Variants in TENM3 observed in about 807,000 individuals in gnomAD.
TENM3 encodes the protein teneurin transmembrane protein 3, also known as teneurin-3.
In TENM3, 63 loss-of-function variants were observed where a neutral mutation model predicts 255.1. That is an observed-to-expected ratio of 0.25 (90% confidence interval 0.20 to 0.30). The LOEUF is 0.30. Ranked by LOEUF, TENM3 falls within the 10% of genes least tolerant of loss-of-function variation. TENM3 has a pLI of 1.00. For synonymous variants in TENM3, 1,306 were observed against 1,322.3 expected (o/e 0.99, Z 0.27); for missense variants, 2,929 against 3,461.1 (o/e 0.85, Z 3.86).
At chr4:182,392,553 A>G (rs1768506249) in intron 3 of TENM3, among the ~76,000 whole-genome samples, 1 of 152,222 alleles carries the variant, frequency 6.6e-6, no homozygotes, top group Non-Finnish European at 1.5e-5. Context: ...TGGGAATTAG[A>G]AATGCAGACT....
the TENM3 span, among the ~76,000 whole-genome samples, chr4:181,641,647 A>AAT: frequency 0.67 from 55,763 of 83,402 alleles, 20,035 homozygotes; most frequent in Non-Finnish European, 0.72. Context: ...TATAATGGAA[A>AAT]ATATATATAT....
At chr4:181,690,228 G>A in the TENM3 span, among the ~76,000 whole-genome samples, 1 of 102,190 alleles carries the variant, frequency 9.8e-6, no homozygotes, top group Non-Finnish European at 2.1e-5. Context: ...GAGGGCACAT[G>A]CGCGTGAGCG....
the TENM3 span, among the ~76,000 whole-genome samples, chr4:181,611,569 A>G: frequency 6.6e-6 from 1 of 151,984 alleles, no homozygotes; most frequent in Non-Finnish European, 1.5e-5. Flanking sequence ...GTATTACACG[A>G]TACGGAGTCT....
the TENM3 span, among the ~76,000 whole-genome samples, chr4:181,987,860 T>C: frequency 3.9e-5 from 6 of 151,944 alleles, no homozygotes; most frequent in Non-Finnish European, 8.8e-5. Context: ...GACATTGAGC[T>C]CACGGGGTAA....
chr4:181,810,801 C>T, the TENM3 span, among the ~76,000 whole-genome samples: 22 of 152,148 alleles, frequency 1.4e-4, no homozygotes, highest in East Asian at 2.0e-4. Flanking sequence ...ACTAAATGAA[C>T]GGTATATGCA....
intron 4 of TENM3, among the ~76,000 whole-genome samples, chr4:182,622,796 T>C (rs554391805): frequency 8.5e-5 from 13 of 152,268 alleles, no homozygotes; most frequent in African/African-American, 3.1e-4. Context: ...CACATATTTA[T>C]TGAACACCTA....
the TENM3 span, among the ~76,000 whole-genome samples, chr4:182,058,244 G>A: frequency 1.3e-5 from 2 of 151,876 alleles, no homozygotes; most frequent in African/African-American, 4.8e-5. Flanking sequence ...CACATAGGGT[G>A]AGTTCTGGGG....
At chr4:182,259,062 CCACA>C (rs980043024) in intron 1 of TENM3, among the ~76,000 whole-genome samples, 3 of 152,154 alleles carry the variant, frequency 2.0e-5, no homozygotes, top group African/African-American at 7.2e-5. Context: ...GTTATGTTTT[CCACA>C]TTTCAGTGGC....
At chr4:182,382,874 C>T (rs1271630529) in intron 3 of TENM3, among the ~76,000 whole-genome samples, 8 of 152,142 alleles carry the variant, frequency 5.3e-5, no homozygotes, top group Non-Finnish European at 8.8e-5. Context: ...GGTGGTTCCT[C>T]GACCCATGAT....
chr4:182,602,011 A>T (rs529081481), intron 4 of TENM3, among the ~76,000 whole-genome samples: 1 of 152,256 alleles, frequency 6.6e-6, no homozygotes, highest in South Asian at 2.1e-4. Flanking sequence ...AACTGCTCAT[A>T]CAAAAGTATG....
At chr4:182,674,642 C>T (rs1755510271) in intron 7 of TENM3, among the ~76,000 whole-genome samples, 1 of 152,160 alleles carries the variant, frequency 6.6e-6, no homozygotes, top group South Asian at 2.1e-4. Flanking sequence ...ATGGCACAAT[C>T]TTACCTCACT....
Position 182,793,856 on chromosome 4 carries a change from A to G in TENM3, c.7184A>G (p.Lys2395Arg), listed in dbSNP as rs1242695864. 2 of 1,611,266 alleles carry G rather than the reference A, an allele frequency of 1.2e-6. No homozygotes were observed. The highest frequency in any genetic ancestry group is 2.7e-5 in the African/African-American group (2 of 74,832). Residue 2395 changes from lysine (K) to arginine (R), a missense_variant, in exon 26 of 28, where the codon AAA becomes AGA. Lys to Arg is a conservative substitution (Grantham distance 26, BLOSUM62 2). Transcript: ENST00000511685. This position sits in a 1 kb window ranked among gnomAD's most constrained non-coding sequence, Gnocchi z 5.7. The stretch of plus-strand genomic sequence containing the variant: ...TTTAGGAATAACAACCCTGCAAGCA[A>G]AATCCATGACGTGAAAGATTACATC... ...YMFRNNNPASKIHDVKDYITD... is the reference protein window; with the variant it reads ...YMFRNNNPASRIHDVKDYITD...
At chr4:181,751,613 A>C in the TENM3 span, among the ~76,000 whole-genome samples, 2 of 117,200 alleles carry the variant, frequency 1.7e-5, no homozygotes, top group Non-Finnish European at 4.0e-5. Context: ...CATTTTCAAA[A>C]GTACAACAGC....
chr4:182,389,712 G>A (rs1415348031), intron 3 of TENM3, among the ~76,000 whole-genome samples: 2 of 60,290 alleles, frequency 3.3e-5, no homozygotes, highest in Admixed American at 2.2e-4. Context: ...TTGAGACGGA[G>A]TCTCGCTCTG....
chr4:181,528,699 C>T, the TENM3 span, among the ~76,000 whole-genome samples: 2 of 152,276 alleles, frequency 1.3e-5, no homozygotes, highest in South Asian at 2.1e-4. Context: ...AGTATTTCAC[C>T]GAGGAGGTGG....
At chr4:182,032,963 A>G in the TENM3 span, among the ~76,000 whole-genome samples, 1 of 148,062 alleles carries the variant, frequency 6.8e-6, no homozygotes, top group East Asian at 2.0e-4. Flanking sequence ...CTAGAGTTCT[A>G]TCTATTTTAT....
intron 1 of TENM3, among the ~76,000 whole-genome samples, chr4:182,315,597 G>T (rs934883196): frequency 1.3e-5 from 2 of 151,966 alleles, no homozygotes; most frequent in African/African-American, 2.4e-5. Flanking sequence ...TGTGTTTGGG[G>T]CTTGTTGAGC....
the TENM3 span, among the ~76,000 whole-genome samples, chr4:181,912,291 C>T: frequency 6.6e-6 from 1 of 152,200 alleles, no homozygotes; most frequent in Admixed American, 6.5e-5. Context: ...TCATTCCAAG[C>T]TCTGATACAT....
chr4:182,673,161 A>G lies in TENM3; in HGVS notation c.1268A>G (p.Gln423Arg). The G allele has an allele frequency of 1.9e-6, 3 of 1,613,898 alleles. No homozygotes were observed. Among genetic ancestry groups the G allele is most frequent in the Non-Finnish European group, 2.5e-6 (3 of 1,179,822 alleles). Residue 423 changes from glutamine to arginine, a missense_variant, in exon 7 of 28, where the codon CAG (glutamine) becomes CGG (arginine). By Grantham distance (43) the Gln-to-Arg change is conservative. This residue lies in a region of TENM3 where 1,608 missense variants were observed against 1,884.4 expected (regional missense o/e 0.85). Transcript: ENST00000511685. ...TTTCTTAAATTCAATATCTCTCTTC[A>G]GAAGGATGCATTGATTGGAGTATAT... ...PQFLKFNISL[Q>R]KDALIGVYGR...
Sources: allele counts gnomAD v4.1 joint callset (sites outside exome capture counted in the v4.1 genomes callset), GRCh38; gene constraint gnomAD v4.1.1; regional missense constraint gnomAD v4.1.1; non-coding constraint Gnocchi (gnomAD v3.1); transcripts MANE v1.5; gene names NCBI Gene and HGNC (gene_info 2026-07-23, HGNC 2026-07-21).